ARSB: variants seen among roughly 807,000 people sequenced by gnomAD.
ARSB encodes the protein N-acetylgalactosamine-4-sulfatase.
A neutral mutation model predicts 50.9 loss-of-function variants in ARSB; 41 were observed. The observed-to-expected ratio is 0.81, with a 90% confidence interval of 0.63 to 1.04. The LOEUF (loss-of-function observed/expected upper bound fraction) is 1.04. Ranked by LOEUF, ARSB falls within the 50% of genes least tolerant of loss-of-function variation. The pLI is 0.00. For synonymous variants in ARSB, 269 were observed against 284.8 expected, an observed-to-expected ratio of 0.94 and a Z score of 0.56; for missense variants, 672 against 693.3, an observed-to-expected ratio of 0.97 and a Z score of 0.35.
chr5:78,788,772 A>T (rs1005903363), intron 6 of ARSB, among the ~76,000 whole-genome samples: 3 of 152,014 alleles, frequency 2.0e-5, no homozygotes, highest in Admixed American at 1.3e-4. Flanking sequence ...AGCTAATTTT[A>T]AAAAAATTAG....
chr5:78,777,234 A>G lies in ARSB; in HGVS notation c.*3163T>C, dbSNP rs886060778. ...TTTTTTTAGTTCTAAAATTTTTACTATATTTATTTATTTAACAGCTTTACT... is the reference window on the plus strand; with the variant it reads ...TTTTTTTAGTTCTAAAATTTTTACTGTATTTATTTATTTAACAGCTTTACT... On this transcript the variant is annotated 3_prime_UTR_variant, in exon 8 of 8. Coordinates refer to ENST00000264914, the MANE Select transcript of ARSB (RefSeq NM_000046.5). The G allele has an allele frequency of 2.6e-5, 4 of 152,132 alleles. No homozygotes were observed. The highest frequency in any genetic ancestry group is 2.1e-4 in the South Asian group (1 of 4,826). The allele number at this position is 152,132 out of a possible 1,614,324, so 9.4% of individuals were successfully genotyped here.
At chr5:78,880,214 T>G (rs1747685994) in intron 5 of ARSB, among the ~76,000 whole-genome samples, 3 of 152,124 alleles carry the variant, frequency 2.0e-5, no homozygotes, top group Admixed American at 1.3e-4. Flanking sequence ...GAAGCAAACA[T>G]GAGCCAAATT....
Position 78,786,862 on chromosome 5 carries a change from C to T in ARSB, c.1214-4888G>A, listed in dbSNP as rs1165384156. Among the ~76,000 whole-genome samples the T allele has an allele frequency of 1.1e-4, 16 of 152,282 alleles. No homozygotes were observed. The East Asian group carries it at 2.9e-3, about 28-fold the overall frequency. Reference sequence around the variant, plus strand: ...CCTCAAGCAATCCTCTCACTCCAGCCTTCCAAAGTGCTGGGATTACAGGCA... The same window carrying T: ...CCTCAAGCAATCCTCTCACTCCAGCTTTCCAAAGTGCTGGGATTACAGGCA... On this transcript the variant is annotated intron_variant, in intron 6 of 7. Transcript: ENST00000264914.
intron 4 of ARSB, among the ~76,000 whole-genome samples, chr5:78,925,681 A>C (rs114314908): frequency 3.3e-5 from 5 of 152,202 alleles, no homozygotes; most frequent in Non-Finnish European, 7.3e-5. Flanking sequence ...ACACTTTACT[A>C]TTCACATAGC....
chr5:78,913,500 T>C (rs1344111643), intron 4 of ARSB, among the ~76,000 whole-genome samples: 2 of 152,240 alleles, frequency 1.3e-5, no homozygotes, highest in Non-Finnish European at 2.9e-5. Context: ...TTTCTATTTT[T>C]CCTATCCTGT....
chr5:78,921,198 C>T (rs1159977724), intron 4 of ARSB, among the ~76,000 whole-genome samples: 1 of 152,096 alleles, frequency 6.6e-6, no homozygotes, highest in Non-Finnish European at 1.5e-5. Flanking sequence ...TTTGCAAACC[C>T]TCCACAATCT....
chr5:78,978,771 A>C (rs1449705979), intron 1 of ARSB, among the ~76,000 whole-genome samples: 1 of 152,226 alleles, frequency 6.6e-6, no homozygotes, highest in Non-Finnish European at 1.5e-5. Flanking sequence ...AACAAATAGC[A>C]CTGAAATATT....
At chr5:78,965,950 G>T (rs970082222) in intron 2 of ARSB, among the ~76,000 whole-genome samples, 1 of 152,164 alleles carries the variant, frequency 6.6e-6, no homozygotes, top group African/African-American at 2.4e-5. Context: ...CAAAGTACTT[G>T]TTAATTAATG....
intron 4 of ARSB, among the ~76,000 whole-genome samples, chr5:78,955,041 T>C (rs1751656446): frequency 1.3e-5 from 2 of 152,190 alleles, no homozygotes; most frequent in South Asian, 4.1e-4. Context: ...TGTCCACTCA[T>C]ACTTACTCAG....
At chr5:78,869,438 AAG>A (rs1746998464) in intron 5 of ARSB, among the ~76,000 whole-genome samples, 2 of 127,588 alleles carry the variant, frequency 1.6e-5, no homozygotes, top group South Asian at 5.7e-4. Flanking sequence ...GCAAATGTAA[AAG>A]AACAGAAATT....
At chr5:78,867,682 C>T (rs1326847141) in intron 5 of ARSB, among the ~76,000 whole-genome samples, 1 of 152,056 alleles carries the variant, frequency 6.6e-6, no homozygotes, top group East Asian at 1.9e-4. Flanking sequence ...CATCAAAGAC[C>T]AAAAGTAGAT....
At chr5:78,806,094 A>T (rs1017794490) in intron 6 of ARSB, among the ~76,000 whole-genome samples, 4 of 152,264 alleles carry the variant, frequency 2.6e-5, no homozygotes, top group Non-Finnish European at 5.9e-5. Context: ...TGAGCAATAC[A>T]ATAGAGAGAA....
At chr5:78,888,901 CTTTT>C (rs995345986) in intron 4 of ARSB, among the ~76,000 whole-genome samples, 1 of 152,216 alleles carries the variant, frequency 6.6e-6, no homozygotes, top group Non-Finnish European at 1.5e-5. Context: ...AACAGTTATT[CTTTT>C]TAAGAGCACT....
At chr5:78,818,643 G>A (rs532902841) in intron 6 of ARSB, among the ~76,000 whole-genome samples, 40 of 108,712 alleles carry the variant, frequency 3.7e-4, no homozygotes, top group Non-Finnish European at 5.7e-4. Flanking sequence ...ACAGAGTCTC[G>A]CTCTGTCGCC....
intron 3 of ARSB, among the ~76,000 whole-genome samples, chr5:78,959,042 A>C (rs930781315): frequency 6.6e-6 from 1 of 152,154 alleles, no homozygotes; most frequent in Non-Finnish European, 1.5e-5. Flanking sequence ...TTTCATCTTT[A>C]ATTGTAGTTC....
At chr5:78,866,807 G>T (rs879556188) in intron 5 of ARSB, among the ~76,000 whole-genome samples, 9 of 151,974 alleles carry the variant, frequency 5.9e-5, no homozygotes, top group Non-Finnish European at 1.3e-4. Context: ...AAAAAGAAAG[G>T]GGCTGAGCCA....
At chr5:78,802,762 AG>A (rs370807912) in intron 6 of ARSB, among the ~76,000 whole-genome samples, 68 of 152,352 alleles carry the variant, frequency 4.5e-4, no homozygotes, top group African/African-American at 1.5e-3. Context: ...ATGAGGAAAT[AG>A]AAGTAAAGTT....
chr5:78,943,189 G>A (rs1209841681), intron 4 of ARSB, among the ~76,000 whole-genome samples: 1 of 152,154 alleles, frequency 6.6e-6, no homozygotes, highest in Non-Finnish European at 1.5e-5. Flanking sequence ...CACGTGAGAT[G>A]CATCTCCTGA....
intron 5 of ARSB, among the ~76,000 whole-genome samples, chr5:78,881,942 T>C (rs1387543278): frequency 6.6e-6 from 1 of 152,238 alleles, no homozygotes; most frequent in African/African-American, 2.4e-5. Flanking sequence ...CATTTTTATG[T>C]ATAGGTTTAA....
Sources: allele counts gnomAD v4.1 joint callset (sites outside exome capture counted in the v4.1 genomes callset), GRCh38; gene constraint gnomAD v4.1.1; transcripts MANE v1.5; gene names NCBI Gene and HGNC (gene_info 2026-07-23, HGNC 2026-07-21).